Variants in PPP2R2A observed in about 807,000 individuals in gnomAD.
PPP2R2A encodes the protein protein phosphatase 2 regulatory subunit Balpha.
Under a neutral mutation model 53.2 loss-of-function variants are expected in PPP2R2A, and 9 were observed. The ratio of observed to expected loss-of-function variants is 0.17; its 90% CI spans 0.10 to 0.30. The LOEUF is 0.30. Ranked by LOEUF, PPP2R2A falls within the 10% of genes least tolerant of loss-of-function variation. The pLI, the probability that PPP2R2A is intolerant of heterozygous loss-of-function variation, is 1.00. For synonymous variants in PPP2R2A, 169 were observed against 174.2 expected (o/e 0.97, Z 0.23); for missense variants, 235 against 534.6 (o/e 0.44, Z 5.53).
chr8:26,356,717 T>C (rs879907149), intron 4 of PPP2R2A, among the ~76,000 whole-genome samples: 2 of 152,220 alleles, frequency 1.3e-5, no homozygotes, highest in Non-Finnish European at 2.9e-5. Flanking sequence ...GGAATATTTT[T>C]ATGTCAGTTT....
At position 26,297,315 on chromosome 8, in the gene PPP2R2A, C is replaced by T. The variant is rs541034833; in HGVS notation, c.82+3575C>T. 2.6e-5 allele frequency among the ~76,000 whole-genome samples: 4 copies of T among 152,144 alleles called. 1 individual carries two copies. The East Asian group carries it at 7.7e-4, about 29-fold the overall frequency. ...ATTAGAGATGGTTTTGCCATGTTGG[C>T]CAGGCTTGTTTTGAACTCCTGACCT... On this transcript the variant is annotated intron_variant, in intron 2 of 9. Transcript: ENST00000380737.
chr8:26,319,967 G>C (rs1802751784), intron 2 of PPP2R2A, among the ~76,000 whole-genome samples: 1 of 152,090 alleles, frequency 6.6e-6, no homozygotes, highest in African/African-American at 2.4e-5. Context: ...GTTGTTCATT[G>C]GTAGTGTGTA....
At chr8:26,331,707 T>A (rs77690628) in intron 2 of PPP2R2A, among the ~76,000 whole-genome samples, 7,318 of 152,308 alleles carry the variant, frequency 0.048, 246 homozygotes, top group Non-Finnish European at 0.073. Context: ...CATTTGTTTG[T>A]AGATACGTGC....
At chr8:26,361,309 C>T (rs1328006840) in intron 6 of PPP2R2A, among the ~76,000 whole-genome samples, 158 bp downstream of exon 6, 1 of 152,044 alleles carries the variant, frequency 6.6e-6, no homozygotes, top group Non-Finnish European at 1.5e-5. Context: ...TAATGAAATA[C>T]TGGAAAAAGT....
chr8:26,367,521 C>T lies in PPP2R2A; in HGVS notation c.1064+1115C>T, dbSNP rs374953938. ...AAATTTGTTAGAATAACACAAAGAACTCTTGGCTGGCCTTGACCCAGGTTC... is the reference window on the plus strand; with the variant it reads ...AAATTTGTTAGAATAACACAAAGAATTCTTGGCTGGCCTTGACCCAGGTTC... On this transcript the variant is annotated intron_variant, in intron 9 of 9. Coordinates refer to ENST00000380737, the MANE Select transcript of PPP2R2A (RefSeq NM_002717.4). Among the ~76,000 whole-genome samples, 7 of 152,096 alleles carry T rather than the reference C, an allele frequency of 4.6e-5. No homozygotes were observed. In the East Asian group the frequency reaches 1.3e-3, roughly 29 times the overall value.
intron 3 of PPP2R2A, among the ~76,000 whole-genome samples, chr8:26,347,759 A>C (rs1170635044): frequency 6.6e-6 from 1 of 152,216 alleles, no homozygotes; most frequent in South Asian, 2.1e-4. Flanking sequence ...ATACGCTTCC[A>C]AATTGCACTT....
intron 2 of PPP2R2A, among the ~76,000 whole-genome samples, chr8:26,335,064 G>A (rs756795026): frequency 8.5e-5 from 13 of 152,244 alleles, no homozygotes; most frequent in Non-Finnish European, 1.5e-4. Context: ...AGGGCTTACC[G>A]ATCTGAGTGC....
chr8:26,348,752 G>T (rs1804348303), intron 3 of PPP2R2A, among the ~76,000 whole-genome samples: 2 of 152,068 alleles, frequency 1.3e-5, no homozygotes, highest in South Asian at 2.1e-4. Flanking sequence ...ACTATTCTTA[G>T]TATGTTTATT....
chr8:26,369,321 G>T (rs1445892189), intron 9 of PPP2R2A, among the ~76,000 whole-genome samples: 8 of 151,742 alleles, frequency 5.3e-5, no homozygotes, highest in Non-Finnish European at 1.0e-4. Context: ...CCGCCTCCCG[G>T]GTTCAAGGGA....
intron 8 of PPP2R2A, chr8:26,365,598 G>C (rs1178567372): frequency 6.6e-6 from 1 of 151,958 alleles, no homozygotes; most frequent in Non-Finnish European, 1.5e-5. Flanking sequence ...AAATACTTTG[G>C]AACTTTTGTT....
intron 8 of PPP2R2A, 79 bp from the exon 9 acceptor site, chr8:26,366,236 C>T: frequency 1.7e-6 from 2 of 1,158,206 alleles, no homozygotes; most frequent in Non-Finnish European, 2.5e-6. Context: ...TGTATATGCC[C>T]TTTTTTTCTT....
chr8:26,326,841 T>C (rs908361415), intron 2 of PPP2R2A, among the ~76,000 whole-genome samples: 4 of 152,228 alleles, frequency 2.6e-5, no homozygotes, highest in Non-Finnish European at 4.4e-5. Flanking sequence ...AATTTAGAGC[T>C]CTTCTTTCTA....
Position 26,338,788 on chromosome 8 carries a change from C to A in PPP2R2A, c.83-102C>A. ...GTGGTTGATGTACTTCAAAGATATA[C>A]TTCATAGACTTGGAATGTTTGGGAA... On this transcript the variant is annotated intron_variant, in intron 2 of 9. Coordinates refer to ENST00000380737, the MANE Select transcript of PPP2R2A (RefSeq NM_002717.4). The surrounding 1 kb of genome is among the most constrained non-coding windows in gnomAD (Gnocchi z 4.5). 1.4e-6 allele frequency: 1 copy of A among 698,760 alleles called. No individual in the cohort carries two copies. The highest frequency in any genetic ancestry group is 2.9e-5 in the Admixed American group (1 of 34,980). The allele number at this position is 698,760 out of a possible 1,614,324, so 43.3% of individuals were successfully genotyped here.
chr8:26,322,357 G>C (rs188261831), intron 2 of PPP2R2A, among the ~76,000 whole-genome samples: 1 of 152,242 alleles, frequency 6.6e-6, no homozygotes, highest in African/African-American at 2.4e-5. Context: ...CAGGTGCTCA[G>C]TAGCTGTGTG....
intron 2 of PPP2R2A, among the ~76,000 whole-genome samples, chr8:26,325,412 C>G (rs982915497): frequency 6.6e-6 from 1 of 152,108 alleles, no homozygotes; most frequent in Non-Finnish European, 1.5e-5. Context: ...TGAGGCCTTC[C>G]CAGCCATGTG....
chr8:26,329,191 G>C (rs939830079), intron 2 of PPP2R2A, among the ~76,000 whole-genome samples: 4 of 152,020 alleles, frequency 2.6e-5, no homozygotes, highest in Non-Finnish European at 5.9e-5. Context: ...ATTTTGTTGT[G>C]GTCAGACAGT....
intron 3 of PPP2R2A, among the ~76,000 whole-genome samples, chr8:26,353,166 GCTGT>G (rs771355149): frequency 4.3e-4 from 65 of 152,258 alleles, no homozygotes; most frequent in Non-Finnish European, 8.7e-4. Flanking sequence ...AATGGAATAG[GCTGT>G]CTAATTTTGT....
At chr8:26,355,934 T>C (rs1293293965) in intron 4 of PPP2R2A, among the ~76,000 whole-genome samples, 1 of 151,540 alleles carries the variant, frequency 6.6e-6, no homozygotes, top group African/African-American at 2.4e-5. Flanking sequence ...ATGAGTTGGG[T>C]GCTTTCTCTT....
intron 2 of PPP2R2A, among the ~76,000 whole-genome samples, chr8:26,298,151 A>G (rs968025523): frequency 2.0e-5 from 3 of 152,196 alleles, no homozygotes; most frequent in Non-Finnish European, 4.4e-5. Flanking sequence ...GTGGTTGTAC[A>G]GATGTTTGTA....
Sources: allele counts gnomAD v4.1 joint callset (sites outside exome capture counted in the v4.1 genomes callset), GRCh38; gene constraint gnomAD v4.1.1; non-coding constraint Gnocchi (gnomAD v3.1); transcripts MANE v1.5; gene names NCBI Gene and HGNC (gene_info 2026-07-23, HGNC 2026-07-21).